NKTR: variants seen among roughly 807,000 people sequenced by gnomAD.
The protein encoded by NKTR is NK-tumor recognition protein.
In NKTR, 67 loss-of-function variants were observed where a neutral mutation model predicts 156.3. The observed-to-expected ratio is 0.43, with a 90% CI of 0.35 to 0.53. NKTR has a LOEUF of 0.53. Ranked by LOEUF, NKTR falls within the 20% of genes least tolerant of loss-of-function variation. The pLI, the probability that NKTR is intolerant of heterozygous loss-of-function variation, is 0.01. For synonymous variants in NKTR, 640 were observed against 596.6 expected, an observed-to-expected ratio of 1.07 and a Z score of -1.06; for missense variants, 1,604 against 1,730.9, an observed-to-expected ratio of 0.93 and a Z score of 1.30.
At chr3:42,628,499 T>C in intron 6 of NKTR, 1 of 985,448 alleles carries the variant, frequency 1.0e-6, no homozygotes. Flanking sequence ...TTTTACAGCC[T>C]TTCTATCAGC....
chr3:42,624,187 T>A (rs1708160745), intron 6 of NKTR, among the ~76,000 whole-genome samples: 1 of 152,062 alleles, frequency 6.6e-6, no homozygotes, highest in Admixed American at 6.6e-5. Flanking sequence ...TAAATCTATT[T>A]GTAATTTTTA....
intron 14 of NKTR, among the ~76,000 whole-genome samples, chr3:42,643,086 CT>C (rs1170630675): frequency 1.3e-5 from 2 of 152,314 alleles, no homozygotes; most frequent in Non-Finnish European, 2.9e-5. Context: ...GACCTTTCCC[CT>C]AACTCCACCC....
chr3:42,637,253 G>T lies in NKTR; in HGVS notation c.1549G>T (p.Asp517Tyr), dbSNP rs1559584335. The T allele has an allele frequency of 6.2e-7, 1 of 1,613,436 alleles. No individual in the cohort carries two copies. Among genetic ancestry groups the T allele is most frequent in the South Asian group, 1.1e-5 (1 of 90,914 alleles). The change falls in exon 13 of 17, where the codon GAC becomes TAC. Residue 517 changes from aspartate (D) to tyrosine (Y), a missense_variant. Physicochemically the swap from Asp to Tyr is radical, Grantham distance 160. Coordinates refer to ENST00000232978, the MANE Select transcript of NKTR (RefSeq NM_005385.4). ...GAGCTCTTTAACCCATTCCAGCAGA[G>T]ACTCATACAGATCAAAATCTCACTC... is the stretch of plus-strand genomic sequence containing the variant. ...VQSSLTHSSR[D>Y]SYRSKSHSQS... is the part of the protein sequence containing the mutation.
chr3:42,626,397 AGT>A (rs1472106374), intron 6 of NKTR, among the ~76,000 whole-genome samples: 1 of 152,102 alleles, frequency 6.6e-6, no homozygotes, highest in Non-Finnish European at 1.5e-5. Context: ...AAAATTGGTC[AGT>A]GTGTGTTCTC....
In NKTR at chr3:42,643,342, G is replaced by A. The variant is rs200336040; in HGVS notation, c.4146G>A (p.Thr1382=). The change falls in exon 15 of 17, where the codon ACG becomes ACA. Residue 1382 remains threonine, a synonymous_variant. Transcript: ENST00000232978. ...SSYRSYKSHR[T]SSRSRSRSSS... is the part of the protein sequence containing the mutation. Reference sequence around the variant, plus strand: ...TCCTTCATGTGATTAATATTAGGACGTCCAGCAGGAGCAGATCCAGGAGCA... The same window carrying A: ...TCCTTCATGTGATTAATATTAGGACATCCAGCAGGAGCAGATCCAGGAGCA... 164 of 1,613,830 alleles carry A rather than the reference G, an allele frequency of 1.0e-4. No individual in the cohort carries two copies. Among genetic ancestry groups the A allele is most frequent in the Non-Finnish European group, 1.3e-4 (155 of 1,179,732 alleles).
chr3:42,618,282 C>G (rs111861678), intron 3 of NKTR, among the ~76,000 whole-genome samples: 1 of 147,216 alleles, frequency 6.8e-6, no homozygotes, highest in African/African-American at 2.5e-5. Flanking sequence ...ACCCGGGAGG[C>G]GGAGCTTGCA....
intron 2 of NKTR, among the ~76,000 whole-genome samples, chr3:42,610,685 T>C (rs575826549): frequency 1.2e-4 from 18 of 152,262 alleles, no homozygotes; most frequent in African/African-American, 4.3e-4. Context: ...ATAGTGTCTC[T>C]TTTAAAATGA....
intron 3 of NKTR, 55 bp downstream of exon 3, chr3:42,617,699 GA>G (rs1238278575): frequency 3.4e-5 from 30 of 885,382 alleles, no homozygotes; most frequent in Non-Finnish European, 5.3e-5. Context: ...TTACCTTGCT[GA>G]ACAGAATAGA....
At chr3:42,624,552 G>A (rs1178349091) in intron 6 of NKTR, among the ~76,000 whole-genome samples, 1 of 152,010 alleles carries the variant, frequency 6.6e-6, no homozygotes, top group African/African-American at 2.4e-5. Flanking sequence ...TCATTCTGTA[G>A]ATTATGCTAA....
intron 6 of NKTR, chr3:42,628,227 A>G (rs911580444): frequency 2.0e-6 from 2 of 985,340 alleles, no homozygotes; most frequent in Admixed American, 1.2e-4. Flanking sequence ...AATCATTCAT[A>G]TCAGGTTTAG....
intron 9 of NKTR, chr3:42,633,228 CAG>C (rs1709073631): frequency 4.0e-6 from 2 of 494,306 alleles, no homozygotes; most frequent in South Asian, 1.1e-4. Flanking sequence ...TTTGTAGAGA[CAG>C]GGTCTTCCGC....
chr3:42,643,564 C>T, intron 15 of NKTR, 169 bp downstream of exon 15: 2 of 641,780 alleles, frequency 3.1e-6, no homozygotes, highest in African/African-American at 1.8e-5. Flanking sequence ...TCTGTTGGCC[C>T]ATTGTACTCC....
intron 2 of NKTR, among the ~76,000 whole-genome samples, chr3:42,613,278 C>T (rs1025122436): frequency 1.3e-5 from 2 of 152,118 alleles, no homozygotes; most frequent in Non-Finnish European, 2.9e-5. Flanking sequence ...AACTCAGGCA[C>T]AACAGTATAT....
chr3:42,627,055 C>T, intron 6 of NKTR: 1 of 553,614 alleles, frequency 1.8e-6, no homozygotes, highest in Non-Finnish European at 2.3e-6. Context: ...AATTTAGAGC[C>T]CTCCATTTAA....
At chr3:42,603,794 G>A (rs928622248) in intron 2 of NKTR, among the ~76,000 whole-genome samples, 2 of 148,976 alleles carry the variant, frequency 1.3e-5, no homozygotes, top group African/African-American at 2.5e-5. Context: ...GGAGTGCAGT[G>A]GTGCCATCTC....
Position 42,647,636 on chromosome 3 carries a change from A to G in NKTR, c.*1661A>G, listed in dbSNP as rs1710441364. ...AAACAGGACTTAGGCCAAACAAACA[A>G]TACTGGATACTGAATACAAAACAGT... On this transcript the variant is annotated 3_prime_UTR_variant, in exon 17 of 17. Transcript: ENST00000232978. 1 of 152,186 alleles carries G rather than the reference A, an allele frequency of 6.6e-6. No individual in the cohort carries two copies. Among genetic ancestry groups the G allele is most frequent in the Non-Finnish European group, 1.5e-5 (1 of 68,040 alleles). The allele number at this position is 152,186 out of a possible 1,614,324, so 9.4% of individuals were successfully genotyped here.
Position 42,637,697 on chromosome 3 carries a change from C to T in NKTR, c.1993C>T (p.His665Tyr). The part of the protein sequence containing the change: ...IKETGSSSSY[H>Y]KREKNSESDQ... ...AGAGACTGGTAGCTCATCATCCTACCATAAAAGAGAAAAAAATTCGGAAAG... is the reference window on the plus strand; with the variant it reads ...AGAGACTGGTAGCTCATCATCCTACTATAAAAGAGAAAAAAATTCGGAAAG... Residue 665 changes from histidine to tyrosine, a missense_variant, in exon 13 of 17, where the codon CAT (histidine) becomes TAT (tyrosine). Physicochemically the swap from His to Tyr is moderately conservative, Grantham distance 83 (BLOSUM62 2). Coordinates refer to ENST00000232978, the MANE Select transcript of NKTR (RefSeq NM_005385.4). The T allele has an allele frequency of 6.2e-7, 1 of 1,613,938 alleles. No homozygotes were observed. The highest frequency in any genetic ancestry group is 8.5e-7 in the Non-Finnish European group (1 of 1,179,998).
In NKTR at chr3:42,634,632, C is replaced by A. The variant is rs780928047; in HGVS notation, c.949C>A (p.Pro317Thr). 2 of 1,584,734 alleles carry A rather than the reference C, an allele frequency of 1.3e-6. No homozygotes were observed. The highest frequency in any genetic ancestry group is 1.7e-6 in the Non-Finnish European group (2 of 1,163,530). The change falls in exon 11 of 17, where the codon CCC (proline) becomes ACC (threonine). Residue 317 changes from proline to threonine, a missense_variant. This residue lies in a region of NKTR where 1,255 missense variants were observed against 1,243.7 expected (regional missense o/e 1.01). Coordinates refer to ENST00000232978, the MANE Select transcript of NKTR (RefSeq NM_005385.4). The part of the protein sequence containing the change: ...EPEPKIPDVA[P>T]IVSDQKPSVS... ...TCCTAGGAAGATTCCTGATGTTGCA[C>A]CCATTGTAAGTGATCAGAAACCATC...
At position 42,637,597 on chromosome 3, in the gene NKTR, G is replaced by A; in HGVS notation, c.1893G>A (p.Glu631=). 1 of 1,609,972 alleles carries A rather than the reference G, an allele frequency of 6.2e-7. No homozygotes were observed. Among genetic ancestry groups the A allele is most frequent in the Non-Finnish European group, 8.5e-7 (1 of 1,178,928 alleles). Residue 631 remains glutamate, a synonymous_variant, in exon 13 of 17, where the codon GAG becomes GAA. Transcript: ENST00000232978. ...AGAAACCTTGGAAGCCCTCTTATGA[G>A]CGAATTCAGGAAATGAAAGCTAAAA... The part of the protein sequence containing the change: ...PGQKPWKPSY[E]RIQEMKAKTT...
Sources: allele counts gnomAD v4.1 joint callset (sites outside exome capture counted in the v4.1 genomes callset), GRCh38; gene constraint gnomAD v4.1.1; regional missense constraint gnomAD v4.1.1; transcripts MANE v1.5; gene names NCBI Gene and HGNC (gene_info 2026-07-23, HGNC 2026-07-21).